Variants in FGF12 observed in about 807,000 individuals in gnomAD.
FGF12 encodes fibroblast growth factor 12B.
In FGF12, 14 loss-of-function variants were observed where a neutral mutation model predicts 23.6. That is an observed-to-expected ratio of 0.59 (90% CI 0.39 to 0.93). The LOEUF is 0.93. Ranked by LOEUF, FGF12 falls within the 40% of genes least tolerant of loss-of-function variation. The probability of loss-of-function intolerance (pLI) is 0.00; values close to 1 mark genes in which losing one functional copy is unlikely to be tolerated. For missense variants in FGF12, 175 were observed against 217.8 expected (o/e 0.80, Z 1.24); for synonymous variants, 62 against 77.3 (o/e 0.80, Z 1.04).
At chr3:192,610,392 T>C (rs1438373714) in intron 2 of FGF12, among the ~76,000 whole-genome samples, 2 of 152,074 alleles carry the variant, frequency 1.3e-5, no homozygotes, top group Non-Finnish European at 2.9e-5. Context: ...ATGATGTATA[T>C]CCAGGGAGGA....
At chr3:192,489,569 T>G (rs1256534582) in intron 2 of FGF12, among the ~76,000 whole-genome samples, 1 of 152,022 alleles carries the variant, frequency 6.6e-6, no homozygotes, top group Non-Finnish European at 1.5e-5. Context: ...TCACCTACTT[T>G]CGGTAATTAG....
chr3:192,225,727 T>G (rs1248826284), intron 4 of FGF12, among the ~76,000 whole-genome samples: 1 of 152,194 alleles, frequency 6.6e-6, no homozygotes, highest in African/African-American at 2.4e-5. Flanking sequence ...GTCCATCAAC[T>G]AATTAATGAA....
intron 2 of FGF12, among the ~76,000 whole-genome samples, chr3:192,725,759 T>C (rs1402694438): frequency 6.6e-6 from 1 of 152,154 alleles, no homozygotes; most frequent in East Asian, 1.9e-4. Context: ...TCTTTTTCTG[T>C]TGTTAACCTT....
intron 4 of FGF12, among the ~76,000 whole-genome samples, chr3:192,314,601 A>C (rs1188983574): frequency 6.6e-6 from 1 of 152,182 alleles, no homozygotes; most frequent in Non-Finnish European, 1.5e-5. Flanking sequence ...ATACCGATAA[A>C]TGTCTATCTT....
intron 2 of FGF12, among the ~76,000 whole-genome samples, chr3:192,611,627 C>G (rs1378832561): frequency 2.0e-5 from 3 of 151,914 alleles, no homozygotes; most frequent in African/African-American, 7.2e-5. Context: ...TGCCTGGGAC[C>G]TGGTTTCAGA....
chr3:192,397,315 G>C (rs886673782), intron 2 of FGF12, among the ~76,000 whole-genome samples: 1 of 152,194 alleles, frequency 6.6e-6, no homozygotes, highest in African/African-American at 2.4e-5. Flanking sequence ...AGGAGGCAAT[G>C]AGGAATCCTC....
chr3:192,156,297 T>C (rs1350310691), intron 5 of FGF12, among the ~76,000 whole-genome samples: 1 of 152,212 alleles, frequency 6.6e-6, no homozygotes, highest in Non-Finnish European at 1.5e-5. Context: ...ACTTCTCATA[T>C]GAAATTGGAA....
At chr3:192,289,035 C>T (rs979401488) in intron 4 of FGF12, among the ~76,000 whole-genome samples, 10 of 152,012 alleles carry the variant, frequency 6.6e-5, no homozygotes, top group African/African-American at 2.4e-4. Flanking sequence ...TCTATTATCA[C>T]CAAGAAATCT....
At chr3:192,374,992 G>C (rs563154491) in intron 2 of FGF12, among the ~76,000 whole-genome samples, 4 of 152,188 alleles carry the variant, frequency 2.6e-5, no homozygotes, top group Non-Finnish European at 5.9e-5. Flanking sequence ...TTCTGAATTT[G>C]GGAGGTAGCC....
chr3:192,589,818 G>A (rs910399334), intron 2 of FGF12, among the ~76,000 whole-genome samples: 6 of 151,828 alleles, frequency 4.0e-5, no homozygotes, highest in Non-Finnish European at 7.4e-5. Flanking sequence ...ACTTTCTTAA[G>A]GTCACACGGT....
intron 2 of FGF12, among the ~76,000 whole-genome samples, chr3:192,528,862 G>A (rs1725016972): frequency 1.3e-5 from 2 of 152,218 alleles, no homozygotes; most frequent in South Asian, 4.1e-4. Flanking sequence ...GAGCAGCTGG[G>A]ACACAGGGCA....
intron 4 of FGF12, among the ~76,000 whole-genome samples, chr3:192,271,319 CT>C (rs1177974663): frequency 1.3e-5 from 2 of 152,168 alleles, no homozygotes; most frequent in Non-Finnish European, 2.9e-5. Flanking sequence ...GCCCATTAAA[CT>C]TTTTCTGAGT....
Position 192,656,316 on chromosome 3 carries a change from CACACAG to C in FGF12, c.13+70859_13+70864del, listed in dbSNP as rs746246780. On this transcript the variant is annotated intron_variant, in intron 2 of 5. Coordinates refer to ENST00000445105, the MANE Select transcript of FGF12 (RefSeq NM_004113.6). Reference sequence around the variant, plus strand: ...ACACACACACACACACACACACACACACACAGAGAGAGAATTATAGTAAAGCAGATA... The same window carrying C: ...ACACACACACACACACACACACACACAGAGAGAATTATAGTAAAGCAGATA... Among the ~76,000 whole-genome samples the C allele has an allele frequency of 3.0e-3, 203 of 67,122 alleles. 2 individuals are homozygous for C. Among genetic ancestry groups the C allele is most frequent in the East Asian group, 4.4e-3 (13 of 2,974 alleles). The allele number at this position is 67,122 out of a possible 152,430, so 44.0% of individuals were successfully genotyped here.
At chr3:192,164,014 CTT>C (rs965791118) in intron 5 of FGF12, among the ~76,000 whole-genome samples, 1 of 152,050 alleles carries the variant, frequency 6.6e-6, no homozygotes, top group African/African-American at 2.4e-5. Flanking sequence ...AAGCTTAAAT[CTT>C]TGCAAAGTAC....
chr3:192,446,345 C>G (rs148465109), intron 2 of FGF12, among the ~76,000 whole-genome samples: 3,012 of 152,288 alleles, frequency 0.02, 40 homozygotes, highest in Middle Eastern at 0.048. Flanking sequence ...TTTGCCTGAA[C>G]TGTTGGAACA....
chr3:192,357,411 G>A lies in FGF12; in HGVS notation c.124+3017C>T, dbSNP rs111548176. ...GCAGGAGAATCACTTGAACCAGGGA[G>A]TCAGAGTTTGTACTGAGCCGAGATC... On this transcript the variant is annotated intron_variant, in intron 3 of 5. Transcript: ENST00000445105. Among the ~76,000 whole-genome samples, 411 of 148,000 alleles carry A rather than the reference G, an allele frequency of 2.8e-3. 1 individual carries two copies. Among genetic ancestry groups the A allele is most frequent in the African/African-American group, 9.7e-3 (388 of 39,988 alleles).
intron 2 of FGF12, among the ~76,000 whole-genome samples, chr3:192,503,700 G>T (rs1447512666): frequency 2.0e-5 from 3 of 149,624 alleles, no homozygotes; most frequent in Non-Finnish European, 4.4e-5. Flanking sequence ...CTGCCTCCCA[G>T]GTTCATGCCA....
chr3:192,349,907 A>G lies in FGF12; in HGVS notation c.124+10521T>C, dbSNP rs959523744. On this transcript the variant is annotated intron_variant, in intron 3 of 5. Coordinates refer to ENST00000445105, the MANE Select transcript of FGF12 (RefSeq NM_004113.6). Reference sequence around the variant, plus strand: ...TTCATTTATTCAACAAATACTGAATACCTAATATGTGCCAGGTATTCTTTT... The same window carrying G: ...TTCATTTATTCAACAAATACTGAATGCCTAATATGTGCCAGGTATTCTTTT... Among the ~76,000 whole-genome samples the G allele has an allele frequency of 2.6e-5, 4 of 152,172 alleles. 1 individual carries two copies. The highest frequency in any genetic ancestry group is 2.6e-4 in the Admixed American group (4 of 15,264).
chr3:192,322,120 TAA>T (rs1383179549), intron 4 of FGF12, among the ~76,000 whole-genome samples: 6 of 151,656 alleles, frequency 4.0e-5, no homozygotes, highest in African/African-American at 1.5e-4. Flanking sequence ...CAAATTCAGT[TAA>T]GTTTCAGGGT....
Sources: allele counts gnomAD v4.1 joint callset (sites outside exome capture counted in the v4.1 genomes callset), GRCh38; gene constraint gnomAD v4.1.1; transcripts MANE v1.5; gene names NCBI Gene and HGNC (gene_info 2026-07-23, HGNC 2026-07-21).